KLF8: variants seen among roughly 807,000 people sequenced by gnomAD.
KLF8 encodes the protein KLF transcription factor 8.
KLF8 carries 10 observed loss-of-function variants against 18.2 expected under a neutral mutation model. That is an observed-to-expected ratio of 0.55 (90% CI 0.34 to 0.93). The LOEUF is 0.93. Among genes scored for constraint, KLF8 ranks in the 40% least tolerant of loss-of-function variants. The pLI, the probability that KLF8 is intolerant of heterozygous loss-of-function variation, is 0.02. For synonymous variants in KLF8, 109 were observed against 97.3 expected, an observed-to-expected ratio of 1.12 and a Z score of -0.71; for missense variants, 264 against 277.9, an observed-to-expected ratio of 0.95 and a Z score of 0.36.
chrX:56,091,222 G>C, the KLF8 span, among the ~76,000 whole-genome samples: 1 of 111,015 alleles, frequency 9.0e-6, no homozygotes, highest in East Asian at 2.9e-4. Flanking sequence ...TAATGAGTGA[G>C]TTCTCATGAG....
At chrX:56,158,632 A>G in the KLF8 span, among the ~76,000 whole-genome samples, 1 of 111,715 alleles carries the variant, frequency 9.0e-6, no homozygotes, top group Non-Finnish European at 1.9e-5. Flanking sequence ...ATTCCTAGAT[A>G]TTTAATTCTC....
At chrX:56,161,805 G>A in the KLF8 span, among the ~76,000 whole-genome samples, 3 of 112,007 alleles carry the variant, frequency 2.7e-5, no homozygotes, top group Non-Finnish European at 5.6e-5. Context: ...TTGTTCAGTT[G>A]CTGGTGACGA....
At chrX:56,046,804 A>C in the KLF8 span, among the ~76,000 whole-genome samples, 1 of 111,485 alleles carries the variant, frequency 9.0e-6, no homozygotes, top group East Asian at 2.8e-4. Context: ...TCACAGCTGT[A>C]AAGATTTTTT....
the KLF8 span, among the ~76,000 whole-genome samples, chrX:55,971,946 A>G: frequency 9.0e-6 from 1 of 110,957 alleles, no homozygotes; most frequent in Non-Finnish European, 1.9e-5. Context: ...GCACCCTTAC[A>G]CACTGTTGAT....
the KLF8 span, among the ~76,000 whole-genome samples, chrX:56,026,170 C>T: frequency 8.9e-6 from 1 of 111,841 alleles, no homozygotes; most frequent in African/African-American, 3.3e-5. Context: ...GCCAGGATTC[C>T]TTCCGCCTTT....
At chrX:56,127,108 G>A in the KLF8 span, among the ~76,000 whole-genome samples, 4 of 110,690 alleles carry the variant, frequency 3.6e-5, no homozygotes, top group East Asian at 2.8e-4. Flanking sequence ...GCCTCCCAGA[G>A]AGACCTGTGT....
chrX:56,123,618 C>G, the KLF8 span, among the ~76,000 whole-genome samples: 2 of 112,057 alleles, frequency 1.8e-5, no homozygotes, highest in Non-Finnish European at 3.8e-5. Flanking sequence ...AGCCTTGTTT[C>G]TATATTTATT....
the KLF8 span, among the ~76,000 whole-genome samples, chrX:56,175,589 A>G: frequency 1.8e-5 from 2 of 111,639 alleles, no homozygotes; most frequent in Non-Finnish European, 3.8e-5. Context: ...TTTGGGGTGG[A>G]GAGTTCTGTA....
the KLF8 span, among the ~76,000 whole-genome samples, chrX:56,126,142 C>T: frequency 9.0e-6 from 1 of 111,644 alleles, no homozygotes; most frequent in East Asian, 2.8e-4. Flanking sequence ...CATGACTCAG[C>T]GTTACAATGG....
At chrX:55,978,069 A>G in the KLF8 span, among the ~76,000 whole-genome samples, 5 of 110,298 alleles carry the variant, frequency 4.5e-5, no homozygotes, top group Admixed American at 3.9e-4. Flanking sequence ...CTCTCTCTAT[A>G]TATATATAGA....
chrX:56,096,871 G>A, the KLF8 span, among the ~76,000 whole-genome samples: 1 of 110,804 alleles, frequency 9.0e-6, no homozygotes, highest in South Asian at 3.8e-4. Flanking sequence ...GCATTAAGAT[G>A]ATACTAAACA....
the KLF8 span, among the ~76,000 whole-genome samples, chrX:56,164,327 A>T: frequency 1.1e-5 from 1 of 91,489 alleles, no homozygotes; most frequent in Admixed American, 1.3e-4. Context: ...CAGAAAAGTA[A>T]ACAAACCGTA....
the KLF8 span, among the ~76,000 whole-genome samples, chrX:56,207,934 C>A: frequency 1.8e-5 from 2 of 110,966 alleles, no homozygotes; most frequent in Non-Finnish European, 3.8e-5. Context: ...CTGGGGAAGC[C>A]TCACAATCAT....
chrX:56,195,667 T>A, the KLF8 span, among the ~76,000 whole-genome samples: 1 of 111,824 alleles, frequency 8.9e-6, no homozygotes, highest in South Asian at 3.7e-4. Flanking sequence ...TTCAAGATAT[T>A]ATCCAGGAGA....
At chrX:56,236,167 A>G (rs1262060310) in intron 1 of KLF8, among the ~76,000 whole-genome samples, 2 of 111,709 alleles carry the variant, frequency 1.8e-5, no homozygotes, top group South Asian at 3.8e-4. Flanking sequence ...CACACTCACC[A>G]TTTCTAATAT....
the KLF8 span, among the ~76,000 whole-genome samples, chrX:56,223,675 C>G: frequency 9.3e-4 from 105 of 112,334 alleles, no homozygotes; most frequent in African/African-American, 3.3e-3. Context: ...AATAATCACA[C>G]AAATACATAA....
the KLF8 span, among the ~76,000 whole-genome samples, chrX:56,152,823 C>CA: frequency 8.9e-6 from 1 of 112,198 alleles, no homozygotes; most frequent in Non-Finnish European, 1.9e-5. Context: ...TGTGTACTAA[C>CA]AGAGTTAATC....
chrX:56,250,193 T>G, intron 1 of KLF8, 38 bp from the exon 2 acceptor site: 1 of 1,054,471 alleles, frequency 9.5e-7, no homozygotes, highest in Non-Finnish European at 1.3e-6. Flanking sequence ...GGGTTAGATT[T>G]TATTCTGAAA....
the KLF8 span, among the ~76,000 whole-genome samples, chrX:55,934,748 T>A: frequency 8.9e-6 from 1 of 112,360 alleles, no homozygotes; most frequent in African/African-American, 3.2e-5. Context: ...TTAAGAAAAG[T>A]ATTGTTTGAA....
Sources: gnomAD v4.1 joint callset for allele counts (sites outside exome capture counted in the v4.1 genomes callset) on GRCh38, gnomAD v4.1.1 for gene constraint, MANE v1.5 for transcripts, NCBI Gene and HGNC (gene_info 2026-07-23, HGNC 2026-07-21) for gene names.